LAMB2: variants seen among roughly 807,000 people sequenced by gnomAD.
LAMB2 encodes the protein laminin subunit beta 2.
A neutral mutation model predicts 202.7 loss-of-function variants in LAMB2; 119 were observed. The observed-to-expected ratio is 0.59, with a 90% CI of 0.51 to 0.68. The LOEUF is 0.68. Ranked by LOEUF, LAMB2 falls within the 30% of genes least tolerant of loss-of-function variation. LAMB2 has a pLI of 0.00. For missense variants in LAMB2, 2,124 were observed against 2,410.6 expected (o/e 0.88, Z 2.49); for synonymous variants, 818 against 902.2 (o/e 0.91, Z 1.67).
chr3:49,131,164 G>A lies in LAMB2; in HGVS notation c.713-12C>T. ...GATCTTCAACAGGTCTGAGGCGGGG[G>A]AAGGGGGGCCAACTGACCAGGCAGG... On this transcript the variant is annotated splice_polypyrimidine_tract_variant and intron_variant, in intron 6 of 31. Transcript: ENST00000305544. This position sits in a 1 kb window ranked among gnomAD's most constrained non-coding sequence, Gnocchi z 5.0. 7 of 1,612,624 alleles carry A rather than the reference G, an allele frequency of 4.3e-6. No homozygotes were observed. The highest frequency in any genetic ancestry group is 2.2e-5 in the East Asian group (1 of 44,868).
Position 49,129,388 on chromosome 3 carries a change from A to G in LAMB2, c.1519-64T>C. The G allele has an allele frequency of 2.1e-6, 3 of 1,433,750 alleles. No individual in the cohort carries two copies. The highest frequency in any genetic ancestry group is 2.9e-6 in the Non-Finnish European group (3 of 1,026,638). The allele number at this position is 1,433,750 out of a possible 1,614,324, so 88.8% of individuals were successfully genotyped here. On this transcript the variant is annotated intron_variant, in intron 11 of 31. Transcript: ENST00000305544. The surrounding 1 kb of genome is among the most constrained non-coding windows in gnomAD (Gnocchi z 6.1). ...CCAGACCCCATCACCACCCAGCAGG[A>G]AATCCCAACCACACGTCTTAGCCTC...
chr3:49,125,617 C>T (rs2045404450), intron 18 of LAMB2, 130 bp downstream of exon 18: 2 of 1,431,764 alleles, frequency 1.4e-6, no homozygotes, highest in South Asian at 2.6e-5. Flanking sequence ...AGAACTACAA[C>T]TGACCCAGGT....
chr3:49,131,012 A>C lies in LAMB2; in HGVS notation c.853T>G (p.Cys285Gly), dbSNP rs538279286. 1 of 1,613,888 alleles carries C rather than the reference A, an allele frequency of 6.2e-7. No homozygotes were observed. Among genetic ancestry groups the C allele is most frequent in the Non-Finnish European group, 8.5e-7 (1 of 1,180,030 alleles). The change falls in exon 7 of 32, where the codon TGC becomes GGC. Residue 285 changes from cysteine (C) to glycine (G), a missense_variant. By Grantham distance (159) the Cys-to-Gly change is radical. Transcript: ENST00000305544. The surrounding 1 kb of genome is among the most constrained non-coding windows in gnomAD (Gnocchi z 5.0). Reference protein sequence around the residue: ...YELVVRGNCFCYGHASECAPA... With the variant: ...YELVVRGNCFGYGHASECAPA... ...GCACACTCTGAGGCGTGTCCGTAGC[A>C]GAAGCAGTTGCCACGTACAACCAGC... is the stretch of plus-strand genomic sequence containing the variant.
rs1443218276 is a variant in LAMB2, at chr3:49,132,244, C to T, written c.385+26G>A. Reference sequence around the variant, plus strand: ...AAAGCTACTGGTGGGCAGCCCTGCTCACTTTTGCCCCACCCATGGCCTCAC... The same window carrying T: ...AAAGCTACTGGTGGGCAGCCCTGCTTACTTTTGCCCCACCCATGGCCTCAC... On this transcript the variant is annotated intron_variant, in intron 3 of 31. Transcript: ENST00000305544. The surrounding 1 kb of genome is among the most constrained non-coding windows in gnomAD (Gnocchi z 4.6). The T allele has an allele frequency of 6.2e-7, 1 of 1,614,212 alleles. No homozygotes were observed. Among genetic ancestry groups the T allele is most frequent in the Admixed American group, 1.7e-5 (1 of 60,032 alleles).
At chr3:49,127,519 C>A (rs1044704557) in intron 15 of LAMB2, among the ~76,000 whole-genome samples, 1 of 151,768 alleles carries the variant, frequency 6.6e-6, no homozygotes, top group Non-Finnish European at 1.5e-5. Flanking sequence ...CATGGTGAAA[C>A]CCCGTCTCTA....
rs770301237 is a variant in LAMB2, at chr3:49,129,986, C to T, written c.1258G>A (p.Gly420Ser). The part of the protein sequence containing the change: ...CDCDPMGSQD[G>S]GRCDSHDDPA... ...TCATCATGGGAATCACAGCGACCAC[C>T]GTCTTGAGAACCCATGGGGTCACAA... Residue 420 changes from glycine (G) to serine (S), a missense_variant, in exon 10 of 32, where the codon GGT becomes AGT. Gly to Ser is a moderately conservative substitution (Grantham distance 56). This residue lies in a region of LAMB2 where 1,702 missense variants were observed against 1,896.3 expected (regional missense o/e 0.90). Transcript: ENST00000305544. The surrounding 1 kb of genome is among the most constrained non-coding windows in gnomAD (Gnocchi z 6.1). The T allele has an allele frequency of 5.6e-6, 9 of 1,614,052 alleles. 1 individual carries two copies. The highest frequency in any genetic ancestry group is 4.5e-5 in the East Asian group (2 of 44,876).
Position 49,130,550 on chromosome 3 carries a change from G to C in LAMB2, c.1037-131C>G. 2 of 1,342,394 alleles carry C rather than the reference G, an allele frequency of 1.5e-6. No homozygotes were observed. Among genetic ancestry groups the C allele is most frequent in the Non-Finnish European group, 1.1e-6 (1 of 943,026 alleles). The allele number at this position is 1,342,394 out of a possible 1,614,324, so 83.2% of individuals were successfully genotyped here. ...GGGGCTCAGGGACTTCAAGGCCTCA[G>C]CATCATACTGGTTCCCTACCCAGAG... On this transcript the variant is annotated intron_variant, in intron 8 of 31. Coordinates refer to ENST00000305544, the MANE Select transcript of LAMB2 (RefSeq NM_002292.4). This position sits in a 1 kb window ranked among gnomAD's most constrained non-coding sequence, Gnocchi z 5.0.
In LAMB2 at chr3:49,131,523, G is replaced by A. The variant is rs1286516934; in HGVS notation, c.648+12C>T. 1 of 1,613,970 alleles carries A rather than the reference G, an allele frequency of 6.2e-7. No homozygotes were observed. Among genetic ancestry groups the A allele is most frequent in the Admixed American group, 1.7e-5 (1 of 60,010 alleles). ...CCAGCTTCCAGCCCCCAGCCCAGAT[G>A]CCAGCCCTCACCTCGCCTTCAGTGG... On this transcript the variant is annotated intron_variant, in intron 5 of 31. Transcript: ENST00000305544. The surrounding 1 kb of genome is among the most constrained non-coding windows in gnomAD (Gnocchi z 5.0).
In LAMB2 at chr3:49,123,908, G is replaced by T. The variant is rs750000849; in HGVS notation, c.3617C>A (p.Ala1206Asp). Residue 1206 changes from alanine to aspartate, a missense_variant, in exon 24 of 32, where the codon GCC (alanine) becomes GAC (aspartate). Ala to Asp is a moderately radical substitution (Grantham distance 126, BLOSUM62 -2). This residue lies in a region of LAMB2 where 1,702 missense variants were observed against 1,896.3 expected (regional missense o/e 0.90). Coordinates refer to ENST00000305544, the MANE Select transcript of LAMB2 (RefSeq NM_002292.4). ...CCGCTGCTCTAGGCGCTGTGTACGGGCTGCCAAGTCCTGCACCACTCGGTC... is the reference window on the plus strand; with the variant it reads ...CCGCTGCTCTAGGCGCTGTGTACGGTCTGCCAAGTCCTGCACCACTCGGTC... ...DWDRVVQDLA[A>D]RTQRLEQRAQ... is the part of the protein sequence containing the mutation. 6.8e-6 allele frequency: 11 copies of T among 1,613,254 alleles called. No homozygotes were observed. The highest frequency in any genetic ancestry group is 1.7e-5 in the Admixed American group (1 of 60,024).
At chr3:49,124,676 C>T in intron 21 of LAMB2, 25 bp downstream of exon 21, 1 of 1,614,056 alleles carries the variant, frequency 6.2e-7, no homozygotes, top group Non-Finnish European at 8.5e-7. Context: ...CCAATTCAGC[C>T]ATGCCCTCCC....
chr3:49,129,126 T>G lies in LAMB2; in HGVS notation c.1625A>C (p.His542Pro). ...PQCDEGTGQCHCRQHMVGRRC... is the reference protein window; with the variant it reads ...PQCDEGTGQCPCRQHMVGRRC... Reference sequence around the variant, plus strand: ...TCGCCCAACCATGTGCTGGCGGCAGTGGCATTGACCTGTGCCCTCATCACA... The same window carrying G: ...TCGCCCAACCATGTGCTGGCGGCAGGGGCATTGACCTGTGCCCTCATCACA... Residue 542 changes from histidine (H) to proline (P), a missense_variant, in exon 13 of 32, where the codon CAC becomes CCC. Around this residue, in one of 3 missense-constraint regions of LAMB2, gnomAD observed 1,702 missense variants for 1,896.3 expected, o/e 0.90. Transcript: ENST00000305544. The surrounding 1 kb of genome is among the most constrained non-coding windows in gnomAD (Gnocchi z 6.1). 1.2e-6 allele frequency: 2 copies of G among 1,614,042 alleles called. No individual in the cohort carries two copies. Among genetic ancestry groups the G allele is most frequent in the Middle Eastern group, 1.6e-4 (1 of 6,062 alleles).
Position 49,123,584 on chromosome 3 carries a change from T to C in LAMB2, c.3845A>G (p.Asp1282Gly). ...GTTCTCATCTTGCACATCTGTCAGG[T>C]CTGCCTCGAGCTGAGTCAGGTGCTC... is the stretch of plus-strand genomic sequence containing the variant. ...ATEHLTQLEADLTDVQDENFN... is the reference protein window; with the variant it reads ...ATEHLTQLEAGLTDVQDENFN... The change falls in exon 25 of 32, where the codon GAC becomes GGC. Residue 1282 changes from aspartate to glycine, a missense_variant. Coordinates refer to ENST00000305544, the MANE Select transcript of LAMB2 (RefSeq NM_002292.4). 1 of 1,614,200 alleles carries C rather than the reference T, an allele frequency of 6.2e-7. No homozygotes were observed. The highest frequency in any genetic ancestry group is 8.5e-7 in the Non-Finnish European group (1 of 1,180,034).
At chr3:49,123,403 G>A (rs1336051338) in intron 25 of LAMB2, 30 bp from the exon 26 acceptor site, 1 of 1,614,028 alleles carries the variant, frequency 6.2e-7, no homozygotes, top group Non-Finnish European at 8.5e-7. Context: ...ACAGTCAGCT[G>A]AAGACTGACC....
At position 49,122,851 on chromosome 3, in the gene LAMB2, T is replaced by C; in HGVS notation, c.4426A>G (p.Arg1476Gly). 2 of 1,611,394 alleles carry C rather than the reference T, an allele frequency of 1.2e-6. No homozygotes were observed. The highest frequency in any genetic ancestry group is 1.7e-6 in the Non-Finnish European group (2 of 1,179,722). Residue 1476 changes from arginine to glycine, a missense_variant, in exon 27 of 32, where the codon AGA (arginine) becomes GGA (glycine). This residue lies in a region of LAMB2 where 1,702 missense variants were observed against 1,896.3 expected (regional missense o/e 0.90). Transcript: ENST00000305544. ...ALAEGGSILS[R>G]VAETRRQASE... ...GCCTGCCGACGAGTCTCAGCCACTCTGCTGAGGATGCTACCACCTTCTGCC... is the reference window on the plus strand; with the variant it reads ...GCCTGCCGACGAGTCTCAGCCACTCCGCTGAGGATGCTACCACCTTCTGCC...
At position 49,122,615 on chromosome 3, in the gene LAMB2, T is replaced by C; in HGVS notation, c.4573+89A>G. ...ATAAACACTAATCCAGTGTAGTCCC[T>C]GAGGCTCAAGTATGAACCAAGGGAG... On this transcript the variant is annotated intron_variant, in intron 27 of 31. Coordinates refer to ENST00000305544, the MANE Select transcript of LAMB2 (RefSeq NM_002292.4). The C allele has an allele frequency of 2.6e-6, 3 of 1,165,318 alleles. No individual in the cohort carries two copies. The South Asian group carries it at 3.7e-5, about 14-fold the overall frequency. 72.2% of individuals were successfully genotyped at this position (1,165,318 alleles called of 1,614,324 possible). A position where few individuals can be genotyped will look rare whatever the true frequency, so the allele number is the denominator to read the frequency against.
chr3:49,129,527 G>T lies in LAMB2; in HGVS notation c.1518+77C>A. 7.9e-7 allele frequency: 1 copy of T among 1,266,470 alleles called. No homozygotes were observed. Among genetic ancestry groups the T allele is most frequent in the Non-Finnish European group, 1.1e-6 (1 of 875,796 alleles). 78.5% of individuals were successfully genotyped at this position (1,266,470 alleles called of 1,614,324 possible). A position where few individuals can be genotyped will look rare whatever the true frequency, so the allele number is the denominator to read the frequency against. Reference sequence around the variant, plus strand: ...CCTAAGCTCTCAGCACCCACCCACTGGCATAGATGTGACACCCCAGCCCTG... The same window carrying T: ...CCTAAGCTCTCAGCACCCACCCACTTGCATAGATGTGACACCCCAGCCCTG... On this transcript the variant is annotated intron_variant, in intron 11 of 31. Transcript: ENST00000305544. This position sits in a 1 kb window ranked among gnomAD's most constrained non-coding sequence, Gnocchi z 6.1.
chr3:49,122,936 A>G lies in LAMB2; in HGVS notation c.4341T>C (p.Ala1447=), dbSNP rs370815324. 6.2e-7 allele frequency: 1 copy of G among 1,608,846 alleles called. No homozygotes were observed. Among genetic ancestry groups the G allele is most frequent in the Non-Finnish European group, 8.5e-7 (1 of 1,179,954 alleles). Reference sequence around the variant, plus strand: ...CCCGGCCCAGTGCTAGGTCTGCTGTAGCCGCTGCCCCATTGCAGCTGAGGC... The same window carrying G: ...CCCGGCCCAGTGCTAGGTCTGCTGTGGCCGCTGCCCCATTGCAGCTGAGGC... ...CGGLSCNGAA[A]TADLALGRAR... Residue 1447 remains alanine, a synonymous_variant, in exon 27 of 32, where the codon GCT becomes GCC. Coordinates refer to ENST00000305544, the MANE Select transcript of LAMB2 (RefSeq NM_002292.4).
rs1255148033 is a variant in LAMB2, at chr3:49,123,371, C to T, written c.3985G>A (p.Ala1329Thr). The T allele has an allele frequency of 6.2e-7, 1 of 1,613,874 alleles. No homozygotes were observed. The highest frequency in any genetic ancestry group is 1.3e-5 in the African/African-American group (1 of 74,924). ...TGGGCATGCCGGATGCTGTCATAGG[C>T]ACCTAAATTGGGCAGAGGCAGACAG... The part of the protein sequence containing the change: ...DLLKHSNFLG[A>T]YDSIRHAHSQ... Residue 1329 changes from alanine (A) to threonine (T), a missense_variant and splice_region_variant, in exon 26 of 32, where the codon GCC becomes ACC. Physicochemically the swap from Ala to Thr is moderately conservative, Grantham distance 58. This residue lies in a region of LAMB2 where 1,702 missense variants were observed against 1,896.3 expected (regional missense o/e 0.90). Transcript: ENST00000305544.
Position 49,124,068 on chromosome 3 carries a change from G to T in LAMB2, c.3457C>A (p.Pro1153Thr), listed in dbSNP as rs2045383413. Residue 1153 changes from proline to threonine, a missense_variant, in exon 24 of 32, where the codon CCT (proline) becomes ACT (threonine). Pro to Thr is a conservative substitution (Grantham distance 38, BLOSUM62 -1). Around this residue, in one of 3 missense-constraint regions of LAMB2, gnomAD observed 1,702 missense variants for 1,896.3 expected, o/e 0.90. Transcript: ENST00000305544. Reference protein sequence around the residue: ...CDCDSRGIDTPQCHRFTGHCS... With the variant: ...CDCDSRGIDTTQCHRFTGHCS... ...TGACCTGTGAAGCGGTGACACTGAG[G>T]TGTATCTATTCCACGAGAGTCACAA... 6.2e-7 allele frequency: 1 copy of T among 1,613,852 alleles called. No homozygotes were observed. Among genetic ancestry groups the T allele is most frequent in the Non-Finnish European group, 8.5e-7 (1 of 1,180,040 alleles).
Sources: gnomAD v4.1 joint callset for allele counts (sites outside exome capture counted in the v4.1 genomes callset) on GRCh38, gnomAD v4.1.1 for gene constraint, gnomAD v4.1.1 regional missense constraint, Gnocchi (gnomAD v3.1) non-coding constraint, MANE v1.5 for transcripts, NCBI Gene and HGNC (gene_info 2026-07-23, HGNC 2026-07-21) for gene names.